Variants in MARCHF8 observed in about 807,000 individuals in gnomAD.
MARCHF8 encodes membrane associated ring-CH-type finger 8.
MARCHF8 carries 40 observed loss-of-function variants against 51.6 expected under a neutral mutation model. That is an observed-to-expected ratio of 0.77 (90% CI 0.60 to 1.01). MARCHF8 has a LOEUF of 1.01. MARCHF8 is among the 50% of genes least tolerant of loss of function. The probability of loss-of-function intolerance (pLI) is 0.00; values close to 1 mark genes in which losing one functional copy is unlikely to be tolerated. For synonymous variants in MARCHF8, 263 were observed against 280.3 expected (o/e 0.94, Z 0.62); for missense variants, 685 against 708.6 (o/e 0.97, Z 0.38).
At chr10:45,522,269 T>C (rs2043719415) in intron 2 of MARCHF8, among the ~76,000 whole-genome samples, 1 of 152,182 alleles carries the variant, frequency 6.6e-6, no homozygotes, top group Non-Finnish European at 1.5e-5. Flanking sequence ...TGGATTGGTA[T>C]GGGAGGGCCA....
chr10:45,476,813 T>A (rs143920137), intron 3 of MARCHF8, among the ~76,000 whole-genome samples: 5 of 151,642 alleles, frequency 3.3e-5, no homozygotes, highest in African/African-American at 4.8e-5. Context: ...GACAAAAAAA[T>A]TTAAAAAAGG....
chr10:45,499,020 A>ACTC (rs1049594375), intron 2 of MARCHF8, among the ~76,000 whole-genome samples: 14 of 151,670 alleles, frequency 9.2e-5, no homozygotes, highest in African/African-American at 3.4e-4. Flanking sequence ...TTTTTAAGGA[A>ACTC]CTCCTATACT....
intron 2 of MARCHF8, among the ~76,000 whole-genome samples, chr10:45,520,683 C>G (rs1167502685): frequency 6.6e-6 from 1 of 152,140 alleles, no homozygotes; most frequent in Non-Finnish European, 1.5e-5. Flanking sequence ...TTCTACCACA[C>G]GAGGGGGCGT....
At chr10:45,501,143 G>T (rs1025529173) in intron 2 of MARCHF8, among the ~76,000 whole-genome samples, 2 of 149,460 alleles carry the variant, frequency 1.3e-5, no homozygotes, top group South Asian at 2.1e-4. Context: ...ATTCTAGCAA[G>T]TTTTTTTTTT....
intron 1 of MARCHF8, among the ~76,000 whole-genome samples, chr10:45,534,167 A>G (rs1458195835): frequency 6.6e-6 from 1 of 151,872 alleles, no homozygotes; most frequent in Non-Finnish European, 1.5e-5. Flanking sequence ...TGGGTAACAC[A>G]GCGAGACTCC....
At chr10:45,568,904 T>C (rs897878278) in intron 1 of MARCHF8, among the ~76,000 whole-genome samples, 1 of 149,208 alleles carries the variant, frequency 6.7e-6, no homozygotes, top group Admixed American at 6.7e-5. Context: ...CTGTCTCTAC[T>C]AAAAATACAA....
At chr10:45,594,886 C>G (rs368852554) in exon 1 of MARCHF8, 1 of 152,046 alleles carries the variant, frequency 6.6e-6, no homozygotes, top group Admixed American at 6.5e-5. Flanking sequence ...ACCCTACGCC[C>G]CTCCGCGGGA....
At chr10:45,466,828 G>A (rs1451624792) in intron 3 of MARCHF8, among the ~76,000 whole-genome samples, 4 of 152,170 alleles carry the variant, frequency 2.6e-5, no homozygotes, top group Non-Finnish European at 4.4e-5. Flanking sequence ...GTCAAAAAGT[G>A]TACTCTGGGG....
chr10:45,578,311 A>C (rs1468218322), intron 1 of MARCHF8, among the ~76,000 whole-genome samples: 1 of 152,254 alleles, frequency 6.6e-6, no homozygotes, highest in Non-Finnish European at 1.5e-5. Flanking sequence ...TTCTGGAGAC[A>C]TATGAAAACA....
chr10:45,511,976 C>T (rs1177246098), intron 2 of MARCHF8, among the ~76,000 whole-genome samples: 5 of 148,634 alleles, frequency 3.4e-5, no homozygotes, highest in Admixed American at 6.7e-5. Context: ...CGTCTCTGCC[C>T]GGCCGCCATC....
At chr10:45,497,758 T>C (rs1346366383) in intron 2 of MARCHF8, among the ~76,000 whole-genome samples, 2 of 152,066 alleles carry the variant, frequency 1.3e-5, no homozygotes, top group Non-Finnish European at 2.9e-5. Context: ...AGTCACAAAA[T>C]ACCACACTTA....
intron 1 of MARCHF8, among the ~76,000 whole-genome samples, chr10:45,541,874 T>C (rs778105127): frequency 1.6e-4 from 24 of 152,254 alleles, no homozygotes; most frequent in Admixed American, 3.3e-4. Flanking sequence ...GGGAAGATTC[T>C]GTCCATTCCA....
chr10:45,577,751 A>G (rs1233715583), intron 1 of MARCHF8, among the ~76,000 whole-genome samples: 2 of 152,182 alleles, frequency 1.3e-5, no homozygotes, highest in East Asian at 3.8e-4. Context: ...ATATAAATTT[A>G]AAATAAGTAT....
chr10:45,506,896 G>T (rs964316096), intron 2 of MARCHF8, among the ~76,000 whole-genome samples: 1 of 152,162 alleles, frequency 6.6e-6, no homozygotes, highest in Non-Finnish European at 1.5e-5. Flanking sequence ...GGGCTCAGAG[G>T]CCTGACAAAT....
intron 1 of MARCHF8, among the ~76,000 whole-genome samples, chr10:45,573,471 C>A (rs562366219): frequency 8.4e-4 from 128 of 152,324 alleles, no homozygotes; most frequent in Admixed American, 1.6e-3. Flanking sequence ...AACCTCCTCC[C>A]CCAGGAACTT....
Position 45,559,728 on chromosome 10 carries a change from A to G in MARCHF8, c.-78-26439T>C, listed in dbSNP as rs143127304. Among the ~76,000 whole-genome samples, 1,484 of 152,302 alleles carry G rather than the reference A, an allele frequency of 9.7e-3. 12 individuals are homozygous for G. Among genetic ancestry groups the G allele is most frequent in the Non-Finnish European group, 0.014 (941 of 68,014 alleles). ...TTCCTTCTTGGCTAGAAACCCATAAAAAAAATTCCAAGTGTGCATTAGACT... is the reference window on the plus strand; with the variant it reads ...TTCCTTCTTGGCTAGAAACCCATAAGAAAAATTCCAAGTGTGCATTAGACT... On this transcript the variant is annotated intron_variant, in intron 1 of 6. Coordinates refer to the MARCHF8 transcript ENST00000319836.
upstream of MARCHF8, among the ~76,000 whole-genome samples, chr10:45,536,289 C>G (rs1260531621): frequency 6.6e-6 from 1 of 152,092 alleles, no homozygotes; most frequent in Admixed American, 6.5e-5. Context: ...GTGCCAAGAT[C>G]ACTTCTTGGG....
intron 2 of MARCHF8, among the ~76,000 whole-genome samples, chr10:45,513,191 C>G (rs558036766): frequency 2.0e-5 from 3 of 151,370 alleles, no homozygotes; most frequent in African/African-American, 7.3e-5. Context: ...GCCAACTCCC[C>G]CTCTGCGAGA....
At chr10:45,531,764 A>C (rs2043890030) in intron 2 of MARCHF8, among the ~76,000 whole-genome samples, 1 of 152,208 alleles carries the variant, frequency 6.6e-6, no homozygotes, top group East Asian at 1.9e-4. Context: ...ATTTGAGTCT[A>C]GGTAAAATGC....
Sources: gnomAD v4.1 joint callset for allele counts (sites outside exome capture counted in the v4.1 genomes callset) on GRCh38, gnomAD v4.1.1 for gene constraint, MANE v1.5 for transcripts, NCBI Gene and HGNC (gene_info 2026-07-23, HGNC 2026-07-21) for gene names.